Variants in CDYL2 observed in about 807,000 individuals in gnomAD.
CDYL2 encodes chromodomain Y like 2.
CDYL2 carries 23 observed loss-of-function variants against 49.4 expected under a neutral mutation model. That is an observed-to-expected ratio of 0.47 (90% CI 0.34 to 0.66). The LOEUF (loss-of-function observed/expected upper bound fraction) is 0.66. Ranked by LOEUF, CDYL2 falls within the 30% of genes least tolerant of loss-of-function variation. CDYL2 has a pLI of 0.01. For synonymous variants in CDYL2, 360 were observed against 268.8 expected (o/e 1.34, Z -3.32); for missense variants, 678 against 656.4 (o/e 1.03, Z -0.36).
At chr16:80,682,756 G>A (rs547768034) in intron 2 of CDYL2, among the ~76,000 whole-genome samples, 10 of 152,234 alleles carry the variant, frequency 6.6e-5, no homozygotes, top group African/African-American at 1.9e-4. Context: ...CTCCGCCACC[G>A]CCAGCAGCCG....
At chr16:80,729,617 G>GA (rs1387736628) in intron 1 of CDYL2, among the ~76,000 whole-genome samples, 6 of 152,118 alleles carry the variant, frequency 3.9e-5, no homozygotes, top group African/African-American at 1.4e-4. Context: ...CACATCTACA[G>GA]AAATCTCCAG....
At chr16:80,718,179 A>G (rs1904876426) in intron 1 of CDYL2, among the ~76,000 whole-genome samples, 1 of 152,258 alleles carries the variant, frequency 6.6e-6, no homozygotes, top group African/African-American at 2.4e-5. Flanking sequence ...TTTCTGCTAT[A>G]CCAGGCTGCA....
At chr16:80,670,721 C>T (rs73591092) in intron 2 of CDYL2, among the ~76,000 whole-genome samples, 33 of 152,106 alleles carry the variant, frequency 2.2e-4, no homozygotes, top group African/African-American at 7.7e-4. Flanking sequence ...CCCAGGGTCT[C>T]GATTTTCTTT....
intron 1 of CDYL2, among the ~76,000 whole-genome samples, chr16:80,732,191 T>A (rs1359264439): frequency 6.6e-6 from 1 of 152,216 alleles, no homozygotes; most frequent in African/African-American, 2.4e-5. Flanking sequence ...AAGTACCACA[T>A]TTCACTGATG....
chr16:80,785,451 G>C (rs183243200), intron 1 of CDYL2, among the ~76,000 whole-genome samples: 1 of 151,980 alleles, frequency 6.6e-6, no homozygotes, highest in East Asian at 1.9e-4. Context: ...ACCACTGCTC[G>C]AGGAAATGAG....
intron 1 of CDYL2, among the ~76,000 whole-genome samples, chr16:80,739,568 G>A (rs906344638): frequency 3.3e-5 from 5 of 152,124 alleles, no homozygotes; most frequent in East Asian, 1.9e-4. Flanking sequence ...CACAGCAGCC[G>A]GGCACCAGCA....
At chr16:80,624,810 G>A (rs1344763507) in intron 3 of CDYL2, among the ~76,000 whole-genome samples, 2 of 152,186 alleles carry the variant, frequency 1.3e-5, no homozygotes, top group Admixed American at 1.3e-4. Flanking sequence ...ACAAAGTCAT[G>A]GACATCTGCT....
chr16:80,768,563 C>T (rs1315014470), intron 1 of CDYL2, among the ~76,000 whole-genome samples: 2 of 152,194 alleles, frequency 1.3e-5, no homozygotes, highest in African/African-American at 4.8e-5. Flanking sequence ...TTGCATGGCA[C>T]AAGGCACGAT....
At chr16:80,787,453 G>A (rs967891364) in intron 1 of CDYL2, among the ~76,000 whole-genome samples, 1 of 152,164 alleles carries the variant, frequency 6.6e-6, no homozygotes, top group African/African-American at 2.4e-5. Context: ...GTGATCATAA[G>A]GATACATACA....
At chr16:80,659,915 G>T (rs1013304411) in intron 2 of CDYL2, among the ~76,000 whole-genome samples, 1 of 151,768 alleles carries the variant, frequency 6.6e-6, no homozygotes, top group African/African-American at 2.4e-5. Flanking sequence ...TAATATTAAT[G>T]ATAAACTGTA....
At chr16:80,675,562 AG>A (rs911933349) in intron 2 of CDYL2, among the ~76,000 whole-genome samples, 1 of 152,192 alleles carries the variant, frequency 6.6e-6, no homozygotes, top group Non-Finnish European at 1.5e-5. Context: ...GTGAGGAGTC[AG>A]GGTGGAGGAA....
chr16:80,740,778 A>C (rs1005367356), intron 1 of CDYL2, among the ~76,000 whole-genome samples: 2 of 152,086 alleles, frequency 1.3e-5, no homozygotes, highest in African/African-American at 4.8e-5. Flanking sequence ...AATGCTTAGA[A>C]ATATATTTAA....
At chr16:80,721,160 C>G (rs1481525189) in intron 1 of CDYL2, among the ~76,000 whole-genome samples, 1 of 152,260 alleles carries the variant, frequency 6.6e-6, no homozygotes, top group African/African-American at 2.4e-5. Flanking sequence ...TAAGAACAAC[C>G]AATGACAGAA....
At chr16:80,766,370 A>C (rs892846341) in intron 1 of CDYL2, among the ~76,000 whole-genome samples, 1 of 152,192 alleles carries the variant, frequency 6.6e-6, no homozygotes, top group African/African-American at 2.4e-5. Flanking sequence ...CCAAAGAAAA[A>C]TACATTTGAA....
chr16:80,620,631 T>C (rs555336670), intron 4 of CDYL2, 132 bp downstream of exon 4: 1 of 728,434 alleles, frequency 1.4e-6, no homozygotes, highest in East Asian at 3.3e-5. Flanking sequence ...ACCTCGAGTA[T>C]TGCACAGGAT....
chr16:80,659,722 G>C (rs1188192784), intron 2 of CDYL2, among the ~76,000 whole-genome samples: 1 of 151,916 alleles, frequency 6.6e-6, no homozygotes, highest in Non-Finnish European at 1.5e-5. Context: ...CTGTAAGTTT[G>C]AAATTATTTC....
At chr16:80,732,545 G>C (rs1357217273) in intron 1 of CDYL2, among the ~76,000 whole-genome samples, 1 of 152,192 alleles carries the variant, frequency 6.6e-6, no homozygotes, top group African/African-American at 2.4e-5. Context: ...ACTAACTCTA[G>C]TTATGTCTGG....
chr16:80,673,692 G>C (rs1909624732), intron 2 of CDYL2, among the ~76,000 whole-genome samples: 1 of 152,162 alleles, frequency 6.6e-6, no homozygotes, highest in African/African-American at 2.4e-5. Flanking sequence ...GCCTGTGGTG[G>C]GATGAATAGC....
intron 1 of CDYL2, among the ~76,000 whole-genome samples, chr16:80,686,463 T>C (rs1307921872): frequency 6.6e-6 from 1 of 152,192 alleles, no homozygotes; most frequent in African/African-American, 2.4e-5. Context: ...TAGAATGGAA[T>C]TTTGACCCAA....
Sources: allele counts gnomAD v4.1 joint callset (sites outside exome capture counted in the v4.1 genomes callset), GRCh38; gene constraint gnomAD v4.1.1; transcripts MANE v1.5; gene names NCBI Gene and HGNC (gene_info 2026-07-23, HGNC 2026-07-21).